SLC25A33: variants seen among roughly 807,000 people sequenced by gnomAD.
SLC25A33 encodes the protein bone marrow stromal cell mitochondrial carrier protein.
A neutral mutation model predicts 35.5 loss-of-function variants in SLC25A33; 15 were observed. The observed-to-expected ratio is 0.42, with a 90% CI of 0.28 to 0.65. SLC25A33 has a LOEUF of 0.65. Among genes scored for constraint, SLC25A33 ranks in the 30% least tolerant of loss-of-function variants. SLC25A33 has a pLI of 0.20. For synonymous variants in SLC25A33, 136 were observed against 148.7 expected, an observed-to-expected ratio of 0.91 and a Z score of 0.62; for missense variants, 257 against 398.5, an observed-to-expected ratio of 0.64 and a Z score of 3.02.
chr1:9,547,349 G>A (rs1643188890), intron 1 of SLC25A33, among the ~76,000 whole-genome samples: 2 of 152,106 alleles, frequency 1.3e-5, no homozygotes, highest in African/African-American at 4.8e-5. Context: ...AGCTACCCCG[G>A]AGGCTGAGGC....
chr1:9,574,115 TTTC>T (rs1643628441), intron 5 of SLC25A33, among the ~76,000 whole-genome samples: 1 of 149,522 alleles, frequency 6.7e-6, no homozygotes, highest in African/African-American at 2.5e-5. Flanking sequence ...TTCCTTTTCT[TTTC>T]TTTTTTTTTT....
chr1:9,539,659 C>G lies in SLC25A33; in HGVS notation c.-33C>G, dbSNP rs1643045030. 8 of 1,340,106 alleles carry G rather than the reference C, an allele frequency of 6.0e-6. No homozygotes were observed. Among genetic ancestry groups the G allele is most frequent in the Non-Finnish European group, 7.6e-6 (8 of 1,048,630 alleles). 83.0% of individuals were successfully genotyped at this position (1,340,106 alleles called of 1,614,324 possible). ...TCGAGCCGCCACGCGCTCTCGCCAC[C>G]GGGCGGCGACGGGCCGCGGAGCCGG... On this transcript the variant is annotated 5_prime_UTR_variant, in exon 1 of 7. Coordinates refer to ENST00000302692, the MANE Select transcript of SLC25A33 (RefSeq NM_032315.3).
intron 4 of SLC25A33, among the ~76,000 whole-genome samples, chr1:9,570,782 G>A (rs752618456): frequency 2.1e-4 from 30 of 142,798 alleles, no homozygotes; most frequent in Non-Finnish European, 3.3e-4. Context: ...GTGCAATCTC[G>A]GCTCACTGCA....
rs754267635 is a variant in SLC25A33, at chr1:9,582,250, C to G, written c.764-49C>G. Reference sequence around the variant, plus strand: ...GTTTTAAAGTTGTGTGCTGTGGATTCGTTCCCCATTTAATATGTGGCGTAA... The same window carrying G: ...GTTTTAAAGTTGTGTGCTGTGGATTGGTTCCCCATTTAATATGTGGCGTAA... On this transcript the variant is annotated intron_variant, in intron 6 of 6. Coordinates refer to ENST00000302692, the MANE Select transcript of SLC25A33 (RefSeq NM_032315.3). This position sits in a 1 kb window ranked among gnomAD's most constrained non-coding sequence, Gnocchi z 4.0. 3.1e-6 allele frequency: 5 copies of G among 1,590,494 alleles called. No individual in the cohort carries two copies. Among genetic ancestry groups the G allele is most frequent in the Non-Finnish European group, 4.3e-6 (5 of 1,159,032 alleles).
chr1:9,558,302 T>G (rs995910490), intron 2 of SLC25A33, among the ~76,000 whole-genome samples: 5 of 152,224 alleles, frequency 3.3e-5, no homozygotes, highest in African/African-American at 1.2e-4. Context: ...TCTGCCTCCG[T>G]GGCTATTGCT....
chr1:9,583,565 TGAA>T lies in SLC25A33; in HGVS notation c.*1068_*1070del, dbSNP rs1643770776. 6.6e-6 allele frequency: 1 copy of T among 152,190 alleles called. No individual in the cohort carries two copies. The highest frequency in any genetic ancestry group is 1.5e-5 in the Non-Finnish European group (1 of 68,046). The allele number at this position is 152,190 out of a possible 1,614,324, so 9.4% of individuals were successfully genotyped here. ...GTTTGGCTGTGAATCCAGAATGTGATGAAGAACAGTCATTCCCACTGAGGTCTT... is the reference window on the plus strand; with the variant it reads ...GTTTGGCTGTGAATCCAGAATGTGATGAACAGTCATTCCCACTGAGGTCTT... On this transcript the variant is annotated 3_prime_UTR_variant, in exon 7 of 7. Transcript: ENST00000302692.
At chr1:9,541,501 T>TG (rs1230078865) in intron 1 of SLC25A33, among the ~76,000 whole-genome samples, 2 of 152,098 alleles carry the variant, frequency 1.3e-5, no homozygotes, top group Non-Finnish European at 2.9e-5. Context: ...TTTGCCATGT[T>TG]GGCCAGGCTG....
At chr1:9,555,110 C>CTTTTTTT (rs1172100444) in intron 2 of SLC25A33, among the ~76,000 whole-genome samples, 6 of 91,194 alleles carry the variant, frequency 6.6e-5, no homozygotes, top group Non-Finnish European at 8.2e-5. Flanking sequence ...GCATTTAGCA[C>CTTTTTTT]TTTTTTTTTT....
At chr1:9,557,753 A>G (rs1314694921) in intron 2 of SLC25A33, among the ~76,000 whole-genome samples, 1 of 152,210 alleles carries the variant, frequency 6.6e-6, no homozygotes, top group Admixed American at 6.5e-5. Flanking sequence ...AATAAAATGC[A>G]GGTGCTCTAT....
Position 9,580,865 on chromosome 1 carries a change from AAAT to A in SLC25A33, c.763+659_763+661del, listed in dbSNP as rs35059537. On this transcript the variant is annotated intron_variant, in intron 6 of 6. Coordinates refer to ENST00000302692, the MANE Select transcript of SLC25A33 (RefSeq NM_032315.3). ...GCGAGACTCTGTCTCAAAAAAAAAA[AAAT>A]AATAATAATAATAATAATAATAATA... Among the ~76,000 whole-genome samples the A allele has an allele frequency of 4.4e-3, 563 of 129,376 alleles. 3 individuals carry two copies. Among genetic ancestry groups the A allele is most frequent in the Non-Finnish European group, 6.5e-3 (408 of 62,720 alleles). 84.9% of individuals were successfully genotyped at this position (129,376 alleles called of 152,430 possible).
chr1:9,563,219 C>A, intron 2 of SLC25A33, among the ~76,000 whole-genome samples: 1 of 152,224 alleles, frequency 6.6e-6, no homozygotes, highest in Non-Finnish European at 1.5e-5. Flanking sequence ...CCACCGCGCC[C>A]GGCCGATTCT....
chr1:9,565,225 A>G (rs1643484156), intron 2 of SLC25A33, among the ~76,000 whole-genome samples: 1 of 152,174 alleles, frequency 6.6e-6, no homozygotes, highest in African/African-American at 2.4e-5. Context: ...ACTCAACTGT[A>G]CACTTAAAAA....
chr1:9,552,166 C>G (rs985835386), intron 1 of SLC25A33, among the ~76,000 whole-genome samples: 1 of 152,100 alleles, frequency 6.6e-6, no homozygotes, highest in African/African-American at 2.4e-5. Context: ...ACAGGATTAA[C>G]TGATTAGTTG....
intron 1 of SLC25A33, among the ~76,000 whole-genome samples, chr1:9,547,344 C>T (rs1643188735): frequency 1.3e-5 from 2 of 152,072 alleles, no homozygotes; most frequent in African/African-American, 2.4e-5. Context: ...ATCACAGCTA[C>T]CCCGGAGGCT....
In SLC25A33 at chr1:9,582,283, CTT is replaced by C; in HGVS notation, c.764-14_764-13del. 2.5e-6 allele frequency: 4 copies of C among 1,613,722 alleles called. No homozygotes were observed. The highest frequency in any genetic ancestry group is 3.4e-6 in the Non-Finnish European group (4 of 1,179,646). On this transcript the variant is annotated splice_polypyrimidine_tract_variant and intron_variant, in intron 6 of 6. Coordinates refer to ENST00000302692, the MANE Select transcript of SLC25A33 (RefSeq NM_032315.3). The surrounding 1 kb of genome is among the most constrained non-coding windows in gnomAD (Gnocchi z 4.0). ...ATTTAATATGTGGCGTAAAGTAGGT[CTT>C]TCTCTCTCTGCAGAAGTCATAAGGA...
At chr1:9,568,804 T>C (rs1198146611) in intron 3 of SLC25A33, among the ~76,000 whole-genome samples, 1 of 150,914 alleles carries the variant, frequency 6.6e-6, no homozygotes, top group Non-Finnish European at 1.5e-5. Flanking sequence ...TGAGCTGAGA[T>C]CGCTGCACTC....
chr1:9,544,548 C>T (rs1017154674), intron 1 of SLC25A33, among the ~76,000 whole-genome samples: 3 of 152,044 alleles, frequency 2.0e-5, no homozygotes, highest in Admixed American at 1.3e-4. Context: ...GGATTACAGG[C>T]GTGAGCCACC....
In SLC25A33 at chr1:9,539,709, G is replaced by A; in HGVS notation, c.18G>A (p.Gln6=). 6 of 1,401,022 alleles carry A rather than the reference G, an allele frequency of 4.3e-6. No individual in the cohort carries two copies. The South Asian group carries it at 4.3e-5, about 10-fold the overall frequency. 86.8% of individuals were successfully genotyped at this position (1,401,022 alleles called of 1,614,324 possible). The change falls in exon 1 of 7, where the codon CAG becomes CAA. Residue 6 remains glutamine (Q), a synonymous_variant. Coordinates refer to ENST00000302692, the MANE Select transcript of SLC25A33 (RefSeq NM_032315.3). ...GCGCGGCCATGGCGACGGGCGGCCA[G>A]CAGAAGGAGAACACGCTGCTTCACC... MATGG[Q]QKENTLLHLF...
chr1:9,553,606 T>C lies in SLC25A33; in HGVS notation c.57-20T>C. The C allele has an allele frequency of 1.2e-6, 2 of 1,612,240 alleles. No homozygotes were observed. Among genetic ancestry groups the C allele is most frequent in the Non-Finnish European group, 1.7e-6 (2 of 1,179,754 alleles). ...AGGGAATAGTATAGCTTCTCTGATC[T>C]GCTTTGGTTTCCCTTACAGGTGTGG... On this transcript the variant is annotated intron_variant, in intron 1 of 6. Coordinates refer to ENST00000302692, the MANE Select transcript of SLC25A33 (RefSeq NM_032315.3).
Sources: gnomAD v4.1 joint callset for allele counts (sites outside exome capture counted in the v4.1 genomes callset) on GRCh38, gnomAD v4.1.1 for gene constraint, Gnocchi (gnomAD v3.1) non-coding constraint, MANE v1.5 for transcripts, NCBI Gene and HGNC (gene_info 2026-07-23, HGNC 2026-07-21) for gene names.